Variants in WDR70 observed in about 807,000 individuals in gnomAD.
The protein encoded by WDR70 is WD repeat domain 70.
Under a neutral mutation model 88.6 loss-of-function variants are expected in WDR70, and 53 were observed. The observed-to-expected ratio is 0.60, with a 90% CI of 0.48 to 0.75. The LOEUF is 0.75. Ranked by LOEUF, WDR70 falls within the 30% of genes least tolerant of loss-of-function variation. The probability of loss-of-function intolerance (pLI) is 0.00; values close to 1 mark genes in which losing one functional copy is unlikely to be tolerated. For missense variants in WDR70, 610 were observed against 823.2 expected, an observed-to-expected ratio of 0.74 and a Z score of 3.17; for synonymous variants, 280 against 270.0, an observed-to-expected ratio of 1.04 and a Z score of -0.36.
In WDR70 at chr5:37,592,985, T is replaced by C. The variant is rs146478629; in HGVS notation, c.918-12079T>C. Reference sequence around the variant, plus strand: ...GTCTGGGTAACATATAGTGAGACCTTATCTCTACAAAAAATAAAAACTAGC... The same window carrying C: ...GTCTGGGTAACATATAGTGAGACCTCATCTCTACAAAAAATAAAAACTAGC... On this transcript the variant is annotated intron_variant, in intron 9 of 17. Coordinates refer to ENST00000265107, the MANE Select transcript of WDR70 (RefSeq NM_018034.4). 5.1e-4 allele frequency among the ~76,000 whole-genome samples: 78 copies of C among 152,266 alleles called. No homozygotes were observed. In the East Asian group the frequency reaches 0.014, roughly 27 times the overall value.
intron 3 of WDR70, among the ~76,000 whole-genome samples, chr5:37,384,686 A>AT (rs2111855512): frequency 6.6e-6 from 1 of 150,458 alleles, no homozygotes; most frequent in East Asian, 2.0e-4. Flanking sequence ...AAAAAAAAAA[A>AT]ATTTCACCAT....
At chr5:37,579,149 C>T (rs1462319458) in intron 9 of WDR70, among the ~76,000 whole-genome samples, 1 of 152,186 alleles carries the variant, frequency 6.6e-6, no homozygotes, top group African/African-American at 2.4e-5. Flanking sequence ...ACCTTATCTC[C>T]AGCACTTAGA....
At chr5:37,531,655 C>T (rs1336074375) in intron 9 of WDR70, among the ~76,000 whole-genome samples, 5 of 138,340 alleles carry the variant, frequency 3.6e-5, no homozygotes, top group Admixed American at 8.0e-5. Context: ...CGTCCATTTC[C>T]GTGGAATGGC....
chr5:37,684,554 T>C (rs1746524922), intron 10 of WDR70, among the ~76,000 whole-genome samples: 1 of 152,236 alleles, frequency 6.6e-6, no homozygotes, highest in Admixed American at 6.5e-5. Context: ...TGGAAGATTA[T>C]AGGGGGCTAA....
intron 17 of WDR70, among the ~76,000 whole-genome samples, chr5:37,751,976 T>C (rs1208267846): frequency 6.6e-6 from 1 of 152,228 alleles, no homozygotes; most frequent in Non-Finnish European, 1.5e-5. Flanking sequence ...TTGGTTTTTA[T>C]TTTTGCAGGC....
intron 9 of WDR70, among the ~76,000 whole-genome samples, chr5:37,546,961 G>A (rs1424695759): frequency 2.0e-5 from 3 of 152,008 alleles, no homozygotes; most frequent in African/African-American, 4.8e-5. Flanking sequence ...AAAGAAGAAT[G>A]TAGAAGTCTC....
At chr5:37,663,423 G>T (rs986161741) in intron 10 of WDR70, among the ~76,000 whole-genome samples, 5 of 151,912 alleles carry the variant, frequency 3.3e-5, no homozygotes, top group Non-Finnish European at 7.4e-5. Flanking sequence ...TTGCTTCCTT[G>T]CTCTGGCTCT....
chr5:37,659,437 A>G (rs1478573996), intron 10 of WDR70, among the ~76,000 whole-genome samples: 1 of 151,604 alleles, frequency 6.6e-6, no homozygotes, highest in East Asian at 1.9e-4. Context: ...ACTGTTTGTT[A>G]TTGTCTTCCT....
At chr5:37,650,394 C>A (rs1230216884) in intron 10 of WDR70, among the ~76,000 whole-genome samples, 2 of 151,172 alleles carry the variant, frequency 1.3e-5, no homozygotes, top group Non-Finnish European at 2.9e-5. Flanking sequence ...GAGTGAGAGT[C>A]CGTCAAAAAA....
intron 7 of WDR70, among the ~76,000 whole-genome samples, chr5:37,467,999 C>T (rs949644873): frequency 2.6e-5 from 4 of 152,044 alleles, no homozygotes; most frequent in African/African-American, 9.7e-5. Flanking sequence ...CAGGAGTGAG[C>T]CACCGCGCCT....
intron 10 of WDR70, among the ~76,000 whole-genome samples, chr5:37,651,388 A>G (rs1195713285): frequency 6.6e-6 from 1 of 152,086 alleles, no homozygotes; most frequent in East Asian, 1.9e-4. Context: ...GGCTGGTTCC[A>G]AGTCTTTGCT....
At chr5:37,703,231 T>C (rs1002702270) in intron 13 of WDR70, 144 bp downstream of exon 13, 2 of 1,009,872 alleles carry the variant, frequency 2.0e-6, no homozygotes, top group Admixed American at 2.5e-5. Context: ...GTAGGAGTTA[T>C]CAGTATGTTG....
intron 4 of WDR70, among the ~76,000 whole-genome samples, chr5:37,393,444 A>C (rs1038726180): frequency 1.3e-5 from 2 of 152,010 alleles, no homozygotes; most frequent in African/African-American, 4.8e-5. Flanking sequence ...TAGTTCCTTG[A>C]GGTACATCAT....
At chr5:37,426,799 T>C (rs1459200368) in intron 5 of WDR70, among the ~76,000 whole-genome samples, 1 of 151,542 alleles carries the variant, frequency 6.6e-6, no homozygotes, top group Non-Finnish European at 1.5e-5. Context: ...TAGGTTCTTT[T>C]TTTTTTTTTT....
chr5:37,411,595 A>G (rs1016726986), intron 5 of WDR70, among the ~76,000 whole-genome samples: 4 of 152,158 alleles, frequency 2.6e-5, no homozygotes, highest in Admixed American at 6.6e-5. Context: ...GTGTGTTGGC[A>G]CGCACCTGTA....
intron 10 of WDR70, among the ~76,000 whole-genome samples, chr5:37,696,842 T>C (rs1286448577): frequency 6.6e-6 from 1 of 152,220 alleles, no homozygotes; most frequent in East Asian, 1.9e-4. Context: ...AGTGGCAAGA[T>C]TGGTGTAGAA....
chr5:37,496,517 T>C (rs1441206166), intron 8 of WDR70, among the ~76,000 whole-genome samples: 2 of 152,232 alleles, frequency 1.3e-5, no homozygotes. Flanking sequence ...CATGGCTTCA[T>C]GTTTGAGGTC....
intron 17 of WDR70, among the ~76,000 whole-genome samples, chr5:37,746,216 C>A (rs1022058423): frequency 1.3e-5 from 2 of 152,246 alleles, no homozygotes; most frequent in East Asian, 1.9e-4. Context: ...TAAAGAAGTT[C>A]TTTGAAACCA....
rs746645092 is a variant in WDR70 at position 37,396,519 on chromosome 5, TGAAGAA to T, written c.452_457del (p.Glu151_Glu152del). The T allele has an allele frequency of 4.3e-6, 7 of 1,613,156 alleles. No homozygotes were observed. Among genetic ancestry groups the T allele is most frequent in the Non-Finnish European group, 5.1e-6 (6 of 1,179,814 alleles). On this transcript the variant is annotated inframe_deletion, in exon 5 of 18. Transcript: ENST00000265107. ...TCGGTCCTTTACCTCCACCTCTTAATGAAGAAGAAGAAGAAGCAGAGGAAGAAGAAG... is the reference window on the plus strand; with the variant it reads ...TCGGTCCTTTACCTCCACCTCTTAATGAAGAAGAAGCAGAGGAAGAAGAAG...
Sources: allele counts gnomAD v4.1 joint callset (sites outside exome capture counted in the v4.1 genomes callset), GRCh38; gene constraint gnomAD v4.1.1; transcripts MANE v1.5; gene names NCBI Gene and HGNC (gene_info 2026-07-23, HGNC 2026-07-21).